EPHA4: variants seen among roughly 807,000 people sequenced by gnomAD.
EPHA4 encodes ephrin type-A receptor 4.
A neutral mutation model predicts 108.3 loss-of-function variants in EPHA4; 19 were observed. The observed-to-expected ratio is 0.18, with a 90% CI of 0.12 to 0.26. EPHA4 has a LOEUF of 0.26. Ranked by LOEUF, EPHA4 falls within the 10% of genes least tolerant of loss-of-function variation. The probability of loss-of-function intolerance (pLI) is 1.00; values close to 1 mark genes in which losing one functional copy is unlikely to be tolerated. For synonymous variants in EPHA4, 449 were observed against 455.5 expected (o/e 0.99, Z 0.18); for missense variants, 917 against 1,254.0 (o/e 0.73, Z 4.06).
At chr2:221,522,971 C>T (rs1441274644) in intron 3 of EPHA4, among the ~76,000 whole-genome samples, 3 of 151,988 alleles carry the variant, frequency 2.0e-5, no homozygotes, top group Admixed American at 6.6e-5. Context: ...AGGCTGGTCT[C>T]GAATTGGTCT....
In EPHA4 at chr2:221,494,854, C is replaced by T. The variant is rs191353495; in HGVS notation, c.979+6163G>A. On this transcript the variant is annotated intron_variant, in intron 4 of 17. Coordinates refer to ENST00000281821, the MANE Select transcript of EPHA4 (RefSeq NM_004438.5). ...TGGAGAAGGGAAAGAGCTAGTCATT[C>T]GTAGAGTTAAAGGACTTTAATTTCA... 1.5e-3 allele frequency among the ~76,000 whole-genome samples: 232 copies of T among 151,942 alleles called. 1 individual carries two copies. Among genetic ancestry groups the T allele is most frequent in the African/African-American group, 1.4e-3 (58 of 41,462 alleles).
intron 3 of EPHA4, among the ~76,000 whole-genome samples, chr2:221,539,733 A>G (rs1030788028): frequency 3.9e-5 from 6 of 152,194 alleles, no homozygotes; most frequent in African/African-American, 7.2e-5. Flanking sequence ...TTAAAAGCCA[A>G]TGGTGGTTTC....
chr2:221,562,630 C>T (rs1004779967), intron 3 of EPHA4, among the ~76,000 whole-genome samples: 2 of 152,128 alleles, frequency 1.3e-5, no homozygotes, highest in Non-Finnish European at 2.9e-5. Context: ...TAGATGAGAC[C>T]AGAATTACAT....
At chr2:221,502,936 T>C (rs1184635564) in intron 3 of EPHA4, among the ~76,000 whole-genome samples, 1 of 152,242 alleles carries the variant, frequency 6.6e-6, no homozygotes, top group African/African-American at 2.4e-5. Context: ...GTCTCAAGTT[T>C]ATACACATTG....
chr2:221,446,009 AAT>A (rs1199443723), intron 9 of EPHA4, 112 bp downstream of exon 9: 1 of 484,148 alleles, frequency 2.1e-6, no homozygotes, highest in African/African-American at 2.0e-5. Context: ...ATAAGGAATA[AAT>A]ATATTATATT....
At chr2:221,497,407 T>G (rs577299753) in intron 4 of EPHA4, among the ~76,000 whole-genome samples, 59 of 152,278 alleles carry the variant, frequency 3.9e-4, no homozygotes, top group African/African-American at 1.4e-3. Flanking sequence ...TTAACTGAAG[T>G]GCTGCATATA....
chr2:221,485,096 A>G (rs985968829), intron 4 of EPHA4, among the ~76,000 whole-genome samples: 1 of 152,204 alleles, frequency 6.6e-6, no homozygotes, highest in African/African-American at 2.4e-5. Flanking sequence ...GAAATCCATT[A>G]ACCTCCTTGC....
intron 3 of EPHA4, among the ~76,000 whole-genome samples, chr2:221,545,556 A>G (rs1232249368): frequency 6.6e-6 from 1 of 152,218 alleles, no homozygotes; most frequent in Non-Finnish European, 1.5e-5. Flanking sequence ...TTCTACTTTC[A>G]GCAAGTATAA....
chr2:221,498,142 C>A (rs1394077632), intron 4 of EPHA4, among the ~76,000 whole-genome samples: 6 of 152,150 alleles, frequency 3.9e-5, no homozygotes, highest in Admixed American at 1.3e-4. Context: ...AAGTGATGGG[C>A]ACATGGTCCC....
chr2:221,473,131 C>T (rs896362867), intron 5 of EPHA4, among the ~76,000 whole-genome samples: 6 of 152,108 alleles, frequency 3.9e-5, no homozygotes, highest in African/African-American at 7.2e-5. Context: ...TTATCATTGC[C>T]GTTTCAGGGG....
intron 3 of EPHA4, among the ~76,000 whole-genome samples, chr2:221,512,912 A>T (rs977880462): frequency 6.6e-6 from 1 of 152,210 alleles, no homozygotes; most frequent in African/African-American, 2.4e-5. Flanking sequence ...TTCCTCTCAC[A>T]TTTTAAGGAG....
upstream of EPHA4, chr2:221,572,743 G>C (rs1166639445): frequency 1.3e-5 from 2 of 152,714 alleles, no homozygotes; most frequent in African/African-American, 2.4e-5. Flanking sequence ...TTCTTTAGGA[G>C]AGTCGACGTG....
chr2:221,536,283 T>C (rs1314594816), intron 3 of EPHA4, among the ~76,000 whole-genome samples: 1 of 152,146 alleles, frequency 6.6e-6, no homozygotes, highest in Non-Finnish European at 1.5e-5. Flanking sequence ...AGAATAAAAA[T>C]TAGAAACAGT....
chr2:221,536,304 CTTGTA>C (rs1323821738), intron 3 of EPHA4, among the ~76,000 whole-genome samples: 1 of 152,146 alleles, frequency 6.6e-6, no homozygotes, highest in Non-Finnish European at 1.5e-5. Context: ...CTCCCACCCT[CTTGTA>C]TTGTATTCCT....
intron 5 of EPHA4, among the ~76,000 whole-genome samples, chr2:221,471,399 T>C (rs1247836456): frequency 6.6e-6 from 1 of 152,106 alleles, no homozygotes; most frequent in Non-Finnish European, 1.5e-5. Flanking sequence ...CTGGAGGAGT[T>C]TATTAGAATT....
intron 4 of EPHA4, among the ~76,000 whole-genome samples, chr2:221,490,230 GA>G (rs1241297597): frequency 1.5e-5 from 2 of 131,592 alleles, no homozygotes; most frequent in South Asian, 2.4e-4. Flanking sequence ...AATAAAGAGA[GA>G]AAAAATGGCA....
At chr2:221,428,042 T>A (rs1403938606) in intron 15 of EPHA4, among the ~76,000 whole-genome samples, 1 of 152,234 alleles carries the variant, frequency 6.6e-6, no homozygotes, top group Admixed American at 6.5e-5. Context: ...TAATTATTCT[T>A]TCAATTTTGA....
rs576464263 is a variant in EPHA4 at position 221,561,220 on chromosome 2, C to T, written c.823+2511G>A. On this transcript the variant is annotated intron_variant, in intron 3 of 17. Coordinates refer to ENST00000281821, the MANE Select transcript of EPHA4 (RefSeq NM_004438.5). ...TCGCGCCACTGCACTCCAGCCTGGG[C>T]GATGGAGCTAGACTCCATCTCAAAA... 1.4e-4 allele frequency among the ~76,000 whole-genome samples: 21 copies of T among 151,878 alleles called. 1 individual carries two copies. The highest frequency in any genetic ancestry group is 6.2e-4 in the South Asian group (3 of 4,808).
intron 3 of EPHA4, among the ~76,000 whole-genome samples, chr2:221,510,491 G>A (rs1472887839): frequency 6.6e-6 from 1 of 151,968 alleles, no homozygotes; most frequent in Admixed American, 6.6e-5. Flanking sequence ...TACCTTGGAG[G>A]TAGTTTTCAG....
Sources: allele counts gnomAD v4.1 joint callset (sites outside exome capture counted in the v4.1 genomes callset), GRCh38; gene constraint gnomAD v4.1.1; transcripts MANE v1.5; gene names NCBI Gene and HGNC (gene_info 2026-07-23, HGNC 2026-07-21).